SLAMF6: variants seen among roughly 807,000 people sequenced by gnomAD.
The protein encoded by SLAMF6 is NK-T-B-antigen.
Under a neutral mutation model 38.3 loss-of-function variants are expected in SLAMF6, and 21 were observed. The ratio of observed to expected loss-of-function variants is 0.55; its 90% CI spans 0.39 to 0.79. The LOEUF (loss-of-function observed/expected upper bound fraction) is 0.79. Among genes scored for constraint, SLAMF6 ranks in the 30% least tolerant of loss-of-function variants. The probability of loss-of-function intolerance (pLI) is 0.00; values close to 1 mark genes in which losing one functional copy is unlikely to be tolerated. For missense variants in SLAMF6, 341 were observed against 385.3 expected (o/e 0.89, Z 0.96); for synonymous variants, 152 against 146.3 (o/e 1.04, Z -0.28).
chr1:160,490,730 G>A (rs761716681), intron 3 of SLAMF6, 45 bp from the exon 4 acceptor site: 2 of 1,602,008 alleles, frequency 1.2e-6, no homozygotes, highest in Non-Finnish European at 1.7e-6. Context: ...CATCAAGTGA[G>A]GCCCACTGTT....
intron 1 of SLAMF6, among the ~76,000 whole-genome samples, chr1:160,522,270 T>C (rs1417798391): frequency 3.3e-5 from 5 of 152,214 alleles, no homozygotes; most frequent in Non-Finnish European, 7.3e-5. Context: ...GAGATATTAA[T>C]AGTATAAATT....
chr1:160,521,204 C>G (rs1654968336), intron 1 of SLAMF6, among the ~76,000 whole-genome samples: 1 of 152,194 alleles, frequency 6.6e-6, no homozygotes, highest in African/African-American at 2.4e-5. Flanking sequence ...CTAGCAGCCA[C>G]TTCTCTCCTC....
chr1:160,492,817 A>T (rs893091187), intron 2 of SLAMF6, among the ~76,000 whole-genome samples: 2 of 152,028 alleles, frequency 1.3e-5, no homozygotes, highest in Admixed American at 6.6e-5. Context: ...TCATATCTTC[A>T]TCTCATACTC....
intron 1 of SLAMF6, among the ~76,000 whole-genome samples, chr1:160,497,765 G>A (rs1413286450): frequency 5.3e-5 from 8 of 152,096 alleles, no homozygotes; most frequent in African/African-American, 1.9e-4. Context: ...GGTGTGCTAG[G>A]ATTATGGCCT....
intron 1 of SLAMF6, among the ~76,000 whole-genome samples, chr1:160,499,819 A>G (rs896889460): frequency 2.0e-5 from 3 of 152,146 alleles, no homozygotes; most frequent in East Asian, 3.8e-4. Context: ...TCTTTCATGA[A>G]TTGTCATATG....
At chr1:160,486,793 A>G (rs778048526) in intron 7 of SLAMF6, 39 bp from the exon 8 acceptor site, 3 of 1,612,294 alleles carry the variant, frequency 1.9e-6, no homozygotes, top group Admixed American at 3.3e-5. Context: ...GTTAATTGGA[A>G]CTGGAACCTC....
chr1:160,498,245 A>T (rs966443896), intron 1 of SLAMF6, among the ~76,000 whole-genome samples: 2 of 152,124 alleles, frequency 1.3e-5, no homozygotes, highest in African/African-American at 4.8e-5. Flanking sequence ...AAATACAAAA[A>T]AGTGTATTAG....
intron 1 of SLAMF6, among the ~76,000 whole-genome samples, chr1:160,503,800 C>CA (rs1483611480): frequency 2.6e-5 from 4 of 151,380 alleles, no homozygotes; most frequent in African/African-American, 4.8e-5. Flanking sequence ...AATGATGGGT[C>CA]AAAAAAAGAG....
chr1:160,502,645 G>C (rs954097775), intron 1 of SLAMF6, among the ~76,000 whole-genome samples: 5 of 152,174 alleles, frequency 3.3e-5, no homozygotes, highest in Non-Finnish European at 7.3e-5. Context: ...AATTGGCAAA[G>C]TATAAAGAGA....
chr1:160,491,996 AAG>A (rs1286922992), intron 2 of SLAMF6, among the ~76,000 whole-genome samples: 1 of 152,170 alleles, frequency 6.6e-6, no homozygotes, highest in Non-Finnish European at 1.5e-5. Context: ...CTGAGAACCA[AAG>A]AAGTGGGGAA....
At chr1:160,510,791 A>G (rs1654432382) in intron 1 of SLAMF6, among the ~76,000 whole-genome samples, 1 of 152,208 alleles carries the variant, frequency 6.6e-6, no homozygotes, top group African/African-American at 2.4e-5. Flanking sequence ...AAGAATGTGT[A>G]AAACTATTCC....
intron 1 of SLAMF6, among the ~76,000 whole-genome samples, chr1:160,520,390 A>G (rs1344647815): frequency 6.6e-6 from 1 of 152,200 alleles, no homozygotes; most frequent in Non-Finnish European, 1.5e-5. Context: ...ATTGGAATTT[A>G]GAACCTTGCT....
chr1:160,497,975 T>C (rs945777152), intron 1 of SLAMF6, among the ~76,000 whole-genome samples: 3 of 152,158 alleles, frequency 2.0e-5, no homozygotes, highest in Non-Finnish European at 4.4e-5. Context: ...TAATGATCTA[T>C]TTTCCTTTGG....
intron 1 of SLAMF6, among the ~76,000 whole-genome samples, chr1:160,504,232 G>A (rs1283055705): frequency 1.3e-5 from 2 of 151,964 alleles, no homozygotes; most frequent in Non-Finnish European, 2.9e-5. Context: ...TTATTGTATT[G>A]TATACCGAAC....
At chr1:160,501,432 C>A (rs1251137382) in intron 1 of SLAMF6, among the ~76,000 whole-genome samples, 2 of 152,158 alleles carry the variant, frequency 1.3e-5, no homozygotes, top group Non-Finnish European at 2.9e-5. Flanking sequence ...AGATTATTTT[C>A]TTTTCTTTTC....
chr1:160,502,405 C>G (rs1362211675), intron 1 of SLAMF6, among the ~76,000 whole-genome samples: 1 of 152,108 alleles, frequency 6.6e-6, no homozygotes, highest in East Asian at 1.9e-4. Flanking sequence ...GTGAGGATGT[C>G]AAGACAGCAG....
chr1:160,522,583 A>G (rs1655032800), intron 1 of SLAMF6, among the ~76,000 whole-genome samples: 1 of 152,180 alleles, frequency 6.6e-6, no homozygotes, highest in South Asian at 2.1e-4. Context: ...GCATTGCTGG[A>G]CTAGCTAGCC....
intron 1 of SLAMF6, among the ~76,000 whole-genome samples, chr1:160,514,284 G>A (rs865960228): frequency 1.6e-4 from 24 of 151,828 alleles, no homozygotes; most frequent in African/African-American, 5.1e-4. Flanking sequence ...GCATGGTAAA[G>A]GGTTCAATTC....
chr1:160,503,396 T>C (rs150790677), intron 1 of SLAMF6, among the ~76,000 whole-genome samples: 2 of 152,014 alleles, frequency 1.3e-5, no homozygotes, highest in East Asian at 1.9e-4. Flanking sequence ...CGAAAGTGAT[T>C]GCGGATTTTG....
Sources: gnomAD v4.1 joint callset for allele counts (sites outside exome capture counted in the v4.1 genomes callset) on GRCh38, gnomAD v4.1.1 for gene constraint, MANE v1.5 for transcripts, NCBI Gene and HGNC (gene_info 2026-07-23, HGNC 2026-07-21) for gene names.